ATF2: variants seen among roughly 807,000 people sequenced by gnomAD.
ATF2 encodes cyclic AMP-dependent transcription factor ATF-2.
Under a neutral mutation model 60.6 loss-of-function variants are expected in ATF2, and 24 were observed. That is an observed-to-expected ratio of 0.40 (90% CI 0.29 to 0.56). The LOEUF (loss-of-function observed/expected upper bound fraction) is 0.56. ATF2 is among the 20% of genes least tolerant of loss of function. The probability of loss-of-function intolerance (pLI) is 0.54; values close to 1 mark genes in which losing one functional copy is unlikely to be tolerated. For missense variants in ATF2, 433 were observed against 607.7 expected (o/e 0.71, Z 3.02); for synonymous variants, 206 against 215.4 (o/e 0.96, Z 0.38).
chr2:175,150,651 C>T lies in ATF2; in HGVS notation c.-44+409G>A, dbSNP rs755038299. ...AATTTGACATTTTCATTAGCTTGTA[C>T]GGCCCTAGAGTGGGTAAACTTTTTG... On this transcript the variant is annotated intron_variant, in intron 2 of 13. Coordinates refer to ENST00000264110, the MANE Select transcript of ATF2 (RefSeq NM_001880.4). Among the ~76,000 whole-genome samples the T allele has an allele frequency of 5.6e-4, 70 of 124,838 alleles. 2 individuals carry two copies. Among genetic ancestry groups the T allele is most frequent in the African/African-American group, 9.7e-5 (3 of 31,024 alleles). The allele number at this position is 124,838 out of a possible 152,430, so 81.9% of individuals were successfully genotyped here. A position where few individuals can be genotyped will look rare whatever the true frequency, so the allele number is the denominator to read the frequency against.
At chr2:175,106,478 A>G (rs974170545) in intron 10 of ATF2, among the ~76,000 whole-genome samples, 3 of 151,888 alleles carry the variant, frequency 2.0e-5, no homozygotes, top group African/African-American at 7.3e-5. Flanking sequence ...GTGAGCCAAG[A>G]TCTCACCACT....
chr2:175,160,094 T>TAG (rs1412946722), intron 1 of ATF2, among the ~76,000 whole-genome samples: 5 of 152,174 alleles, frequency 3.3e-5, no homozygotes, highest in Non-Finnish European at 7.4e-5. Context: ...ACAAATAAAA[T>TAG]ACACTACCGG....
chr2:175,156,384 A>C (rs931442982), intron 1 of ATF2, among the ~76,000 whole-genome samples: 277 of 148,670 alleles, frequency 1.9e-3, no homozygotes, highest in Admixed American at 0.011. Flanking sequence ...AAACAAAAAA[A>C]AAAAAAAAAA....
intron 10 of ATF2, among the ~76,000 whole-genome samples, chr2:175,103,404 A>G (rs534434826): frequency 4.3e-4 from 65 of 151,932 alleles, no homozygotes; most frequent in African/African-American, 1.4e-3. Flanking sequence ...TTGTCACCCC[A>G]CCCCCAGAGA....
intron 10 of ATF2, 67 bp downstream of exon 10, chr2:175,111,501 G>A: frequency 1.5e-6 from 2 of 1,367,166 alleles, no homozygotes; most frequent in African/African-American, 1.4e-5. Flanking sequence ...TTTGAAGCAG[G>A]CTTTAGTGAA....
chr2:175,093,723 T>A (rs1214590117), intron 11 of ATF2, among the ~76,000 whole-genome samples: 1 of 152,144 alleles, frequency 6.6e-6, no homozygotes, highest in Non-Finnish European at 1.5e-5. Context: ...AAATTAAATA[T>A]CTCACATTAA....
chr2:175,160,331 A>G (rs548558931), intron 1 of ATF2, among the ~76,000 whole-genome samples: 3 of 152,142 alleles, frequency 2.0e-5, no homozygotes, highest in Admixed American at 6.5e-5. Context: ...GCAGCAGTGA[A>G]CTACGACTGC....
chr2:175,090,524 T>C (rs778566824), intron 12 of ATF2, among the ~76,000 whole-genome samples: 45 of 152,130 alleles, frequency 3.0e-4, no homozygotes, highest in Non-Finnish European at 4.1e-4. Context: ...TGGAGAAGTA[T>C]TGTAAGTAAA....
At chr2:175,097,820 G>A (rs1405380737) in intron 10 of ATF2, among the ~76,000 whole-genome samples, 2 of 152,114 alleles carry the variant, frequency 1.3e-5, no homozygotes, top group African/African-American at 4.8e-5. Flanking sequence ...CACCAAACCT[G>A]CAAACAGAGA....
chr2:175,121,260 AAAATG>A (rs1371353846), intron 5 of ATF2, among the ~76,000 whole-genome samples, 179 bp downstream of exon 5: 2 of 151,920 alleles, frequency 1.3e-5, no homozygotes, highest in African/African-American at 2.4e-5. Context: ...ACCACACAAA[AAAATG>A]AAATGAATAG....
At position 175,113,991 on chromosome 2, in the gene ATF2, T is replaced by C. The variant is rs1198151374; in HGVS notation, c.741+3A>G. ...AGAGATTTAAATAGTCTAACTTTCT[T>C]ACTGGGACTGCAGCTGGAACATGCA... On this transcript the variant is annotated splice_donor_region_variant and intron_variant, in intron 9 of 13. Transcript: ENST00000264110. The C allele has an allele frequency of 6.2e-7, 1 of 1,600,624 alleles. No individual in the cohort carries two copies. The highest frequency in any genetic ancestry group is 8.5e-7 in the Non-Finnish European group (1 of 1,170,608).
In ATF2 at chr2:175,073,204, T is replaced by C. The variant is rs1693056396; in HGVS notation, c.*1405A>G. 6.6e-6 allele frequency: 1 copy of C among 152,166 alleles called. No individual in the cohort carries two copies. 9.4% of individuals were successfully genotyped at this position (152,166 alleles called of 1,614,324 possible). A position where few individuals can be genotyped will look rare whatever the true frequency, so the allele number is the denominator to read the frequency against. ...ACAATTTATTCTATTTTAAAATATG[T>C]ACTGTATTTTGAACATAACTGCAGA... On this transcript the variant is annotated 3_prime_UTR_variant, in exon 14 of 14. Coordinates refer to ENST00000264110, the MANE Select transcript of ATF2 (RefSeq NM_001880.4).
intron 13 of ATF2, among the ~76,000 whole-genome samples, chr2:175,076,088 C>T (rs942231977): frequency 3.3e-5 from 5 of 152,022 alleles, no homozygotes; most frequent in Non-Finnish European, 5.9e-5. Context: ...CAGGACTTAG[C>T]CTATGATTTG....
chr2:175,106,123 G>A (rs542778559), intron 10 of ATF2, among the ~76,000 whole-genome samples: 2 of 152,244 alleles, frequency 1.3e-5, no homozygotes, highest in Non-Finnish European at 2.9e-5. Flanking sequence ...GTAAGTCAAT[G>A]GGAGTATAAA....
chr2:175,074,785 G>A lies in ATF2; in HGVS notation c.1342C>T (p.His448Tyr). The stretch of plus-strand genomic sequence containing the variant: ...GAACTATGCTGTATAGCTTCTGTAT[G>A]TGGACTACTCGGCACTGAAATGTCT... ...SEDISVPSSP[H>Y]TEAIQHSSVS... Residue 448 changes from histidine to tyrosine, a missense_variant, in exon 14 of 14, where the codon CAT becomes TAT. By Grantham distance (83) the His-to-Tyr change is moderately conservative. Around this residue, in one of 5 missense-constraint regions of ATF2, gnomAD observed 114 missense variants for 104.0 expected, o/e 1.10. Transcript: ENST00000264110. The A allele has an allele frequency of 6.2e-7, 1 of 1,613,582 alleles. No homozygotes were observed. Among genetic ancestry groups the A allele is most frequent in the Non-Finnish European group, 8.5e-7 (1 of 1,179,680 alleles).
At chr2:175,082,672 A>G (rs1693842611) in intron 12 of ATF2, among the ~76,000 whole-genome samples, 1 of 152,150 alleles carries the variant, frequency 6.6e-6, no homozygotes, top group Admixed American at 6.6e-5. Flanking sequence ...TCTATCCTTT[A>G]ACACCAAACA....
rs1386879495 is a variant in ATF2 at position 175,074,647 on chromosome 2, T to A, written c.1480A>T (p.Met494Leu). 3.1e-6 allele frequency: 5 copies of A among 1,613,136 alleles called. No homozygotes were observed. Among genetic ancestry groups the A allele is most frequent in the Non-Finnish European group, 4.2e-6 (5 of 1,179,610 alleles). Reference protein sequence around the residue: ...STEPALSQIVMAPSSQSQPSG... With the variant: ...STEPALSQIVLAPSSQSQPSG... Reference sequence around the variant, plus strand: ...GGCTGTGACTGGGAGGAAGGAGCCATAACGATCTGTGAAAGAGCAGGCTCT... The same window carrying A: ...GGCTGTGACTGGGAGGAAGGAGCCAAAACGATCTGTGAAAGAGCAGGCTCT... The change falls in exon 14 of 14, where the codon ATG becomes TTG. Residue 494 changes from methionine to leucine, a missense_variant. Around this residue, in one of 5 missense-constraint regions of ATF2, gnomAD observed 114 missense variants for 104.0 expected, o/e 1.10. Transcript: ENST00000264110.
chr2:175,108,237 T>C (rs1035078394), intron 10 of ATF2, among the ~76,000 whole-genome samples: 23 of 146,094 alleles, frequency 1.6e-4, no homozygotes, highest in Middle Eastern at 3.8e-3. Context: ...ATCTGAGAAG[T>C]GAGGAGCCCC....
intron 10 of ATF2, among the ~76,000 whole-genome samples, chr2:175,098,197 G>A (rs1021703316): frequency 7.9e-5 from 12 of 152,118 alleles, no homozygotes; most frequent in Admixed American, 3.3e-4. Context: ...TGCTACATAG[G>A]TACAAAACAA....
Sources: gnomAD v4.1 joint callset for allele counts (sites outside exome capture counted in the v4.1 genomes callset) on GRCh38, gnomAD v4.1.1 for gene constraint, gnomAD v4.1.1 regional missense constraint, MANE v1.5 for transcripts, NCBI Gene and HGNC (gene_info 2026-07-23, HGNC 2026-07-21) for gene names.